CDH12: variants seen among roughly 807,000 people sequenced by gnomAD.
CDH12 encodes cadherin 12.
In CDH12, 41 loss-of-function variants were observed where a neutral mutation model predicts 74.1. That is an observed-to-expected ratio of 0.55 (90% CI 0.43 to 0.72). CDH12 has a LOEUF of 0.72. CDH12 is among the 30% of genes least tolerant of loss of function. The pLI is 0.00. For missense variants in CDH12, 945 were observed against 977.2 expected, an observed-to-expected ratio of 0.97 and a Z score of 0.44; for synonymous variants, 399 against 355.0, an observed-to-expected ratio of 1.12 and a Z score of -1.39.
At chr5:22,755,388 A>C (rs1448030211) in intron 1 of CDH12, among the ~76,000 whole-genome samples, 6 of 152,142 alleles carry the variant, frequency 3.9e-5, no homozygotes, top group Non-Finnish European at 7.4e-5. Context: ...TAAATTGTTC[A>C]GCTTTATGAG....
At chr5:22,678,990 C>T (rs1199909378) in intron 1 of CDH12, among the ~76,000 whole-genome samples, 1 of 152,084 alleles carries the variant, frequency 6.6e-6, no homozygotes, top group African/African-American at 2.4e-5. Context: ...TCCTGTTAAA[C>T]TTCCAAGTTC....
chr5:21,976,750 T>C (rs1182257477), intron 5 of CDH12, among the ~76,000 whole-genome samples: 1 of 152,040 alleles, frequency 6.6e-6, no homozygotes, highest in African/African-American at 2.4e-5. Context: ...ATTTGGGCTA[T>C]GCCTTAAAAA....
chr5:22,711,382 T>C (rs868576172), intron 1 of CDH12, among the ~76,000 whole-genome samples: 8 of 152,130 alleles, frequency 5.3e-5, no homozygotes, highest in South Asian at 2.1e-4. Flanking sequence ...AGAGATTGCT[T>C]ACCACTCCAT....
chr5:21,898,885 A>C (rs1246520654), intron 6 of CDH12, among the ~76,000 whole-genome samples: 1 of 542 alleles, frequency 1.8e-3, no homozygotes, highest in Non-Finnish European at 0.062. Flanking sequence ...CATGGAAGTT[A>C]AAACAAAAAT....
chr5:21,855,402 C>T (rs1750701018), intron 6 of CDH12, among the ~76,000 whole-genome samples: 1 of 151,500 alleles, frequency 6.6e-6, no homozygotes, highest in African/African-American at 2.4e-5. Flanking sequence ...CTGCAGCTTT[C>T]CTAATTTTTT....
At chr5:22,479,569 G>A (rs1279328200) in intron 2 of CDH12, among the ~76,000 whole-genome samples, 1 of 152,160 alleles carries the variant, frequency 6.6e-6, no homozygotes, top group Non-Finnish European at 1.5e-5. Context: ...TTGTTGACTT[G>A]AATAGATATG....
At chr5:22,830,888 C>A (rs982634480) in intron 1 of CDH12, among the ~76,000 whole-genome samples, 21 of 151,630 alleles carry the variant, frequency 1.4e-4, no homozygotes, top group African/African-American at 4.6e-4. Context: ...ATATTAAACA[C>A]TGATAACAAA....
intron 2 of CDH12, among the ~76,000 whole-genome samples, chr5:22,499,512 C>CTA (rs1270231699): frequency 6.6e-6 from 1 of 152,024 alleles, no homozygotes; most frequent in African/African-American, 2.4e-5. Flanking sequence ...AAGTGCAATG[C>CTA]TATACAATGT....
At chr5:22,709,448 C>A (rs1743185641) in intron 1 of CDH12, among the ~76,000 whole-genome samples, 1 of 151,930 alleles carries the variant, frequency 6.6e-6, no homozygotes, top group South Asian at 2.1e-4. Context: ...AGCAATTTTG[C>A]AATCAAACAG....
rs190480068 is a variant in CDH12 at position 22,612,539 on chromosome 5, T to A, written c.-522-107175A>T. On this transcript the variant is annotated intron_variant, in intron 1 of 14. Transcript: ENST00000382254. ...ATGTCTCCCTTTTATTATTTTCTTT[T>A]TATCATCGAATTATGTTATTTGAGA... Among the ~76,000 whole-genome samples the A allele has an allele frequency of 1.5e-3, 223 of 152,252 alleles. 1 individual carries two copies. The highest frequency in any genetic ancestry group is 2.4e-3 in the Non-Finnish European group (163 of 67,994).
chr5:22,220,380 C>A (rs1268966594), intron 3 of CDH12, among the ~76,000 whole-genome samples: 2 of 150,134 alleles, frequency 1.3e-5, no homozygotes, highest in African/African-American at 4.8e-5. Context: ...TAAATGAATG[C>A]ATCTATCATG....
At chr5:22,490,971 T>G (rs1275798043) in intron 2 of CDH12, among the ~76,000 whole-genome samples, 1 of 152,174 alleles carries the variant, frequency 6.6e-6, no homozygotes, top group Non-Finnish European at 1.5e-5. Context: ...TTTTTCAAAC[T>G]TCCTCATTTC....
chr5:22,732,498 A>G (rs1001227858), intron 1 of CDH12, among the ~76,000 whole-genome samples: 1 of 151,244 alleles, frequency 6.6e-6, no homozygotes, highest in Non-Finnish European at 1.5e-5. Flanking sequence ...ACACACACAC[A>G]CACATAAAAA....
At chr5:22,842,405 G>A (rs761925476) in intron 1 of CDH12, among the ~76,000 whole-genome samples, 2 of 152,106 alleles carry the variant, frequency 1.3e-5, no homozygotes, top group African/African-American at 4.8e-5. Flanking sequence ...AGGGATTTAC[G>A]ATCCAATACA....
chr5:22,565,711 A>G lies in CDH12; in HGVS notation c.-522-60347T>C, dbSNP rs1054410512. On this transcript the variant is annotated intron_variant, in intron 1 of 14. Coordinates refer to ENST00000382254, the MANE Select transcript of CDH12 (RefSeq NM_004061.5). ...AACATATTGATTCAGTGCCTCAGAGACAGTAAAAGCCATGTCAAGGACAGG... is the reference window on the plus strand; with the variant it reads ...AACATATTGATTCAGTGCCTCAGAGGCAGTAAAAGCCATGTCAAGGACAGG... Among the ~76,000 whole-genome samples the G allele has an allele frequency of 5.3e-4, 81 of 152,122 alleles. 5 individuals carry two copies.
At position 22,681,009 on chromosome 5, in the gene CDH12, C is replaced by T. The variant is rs908021919; in HGVS notation, c.-523+172049G>A. On this transcript the variant is annotated intron_variant, in intron 1 of 14. Coordinates refer to ENST00000382254, the MANE Select transcript of CDH12 (RefSeq NM_004061.5). ...AAAGTTTGAGGTGTATATTTCATTA[C>T]ACAAGTGCAAATATATGTTTCTGGG... Among the ~76,000 whole-genome samples the T allele has an allele frequency of 3.9e-4, 60 of 151,970 alleles. 1 individual carries two copies. The highest frequency in any genetic ancestry group is 1.3e-3 in the African/African-American group (54 of 41,472).
At chr5:22,190,682 A>G (rs1053985524) in intron 4 of CDH12, among the ~76,000 whole-genome samples, 3 of 152,106 alleles carry the variant, frequency 2.0e-5, no homozygotes, top group Non-Finnish European at 2.9e-5. Flanking sequence ...CTAGAATGTC[A>G]TCTGGTAGGA....
intron 2 of CDH12, among the ~76,000 whole-genome samples, chr5:22,488,815 T>C (rs1045707322): frequency 2.6e-5 from 4 of 152,014 alleles, no homozygotes; most frequent in African/African-American, 9.7e-5. Flanking sequence ...TTTGGCCACA[T>C]TTGCCTCTTG....
At chr5:22,431,795 T>C (rs1333028303) in intron 2 of CDH12, among the ~76,000 whole-genome samples, 4 of 152,206 alleles carry the variant, frequency 2.6e-5, no homozygotes, top group South Asian at 4.1e-4. Flanking sequence ...AAAAAGCTTA[T>C]AGAATAAGGA....
Sources: allele counts gnomAD v4.1 joint callset (sites outside exome capture counted in the v4.1 genomes callset), GRCh38; gene constraint gnomAD v4.1.1; transcripts MANE v1.5; gene names NCBI Gene and HGNC (gene_info 2026-07-23, HGNC 2026-07-21).